Variants in CSMD1 observed in about 807,000 individuals in gnomAD.
CSMD1 encodes the protein CUB and sushi domain-containing protein 1.
Under a neutral mutation model 417.5 loss-of-function variants are expected in CSMD1, and 213 were observed. That is an observed-to-expected ratio of 0.51 (90% CI 0.46 to 0.57). The LOEUF (loss-of-function observed/expected upper bound fraction) is 0.57. Ranked by LOEUF, CSMD1 falls within the 20% of genes least tolerant of loss-of-function variation. The pLI is 0.00. For missense variants in CSMD1, 6,923 were observed against 4,529.7 expected, an observed-to-expected ratio of 1.53 and a Z score of -15.17; for synonymous variants, 2,862 against 1,736.8, an observed-to-expected ratio of 1.65 and a Z score of -16.11.
chr8:3,715,480 T>C (rs1448807487), intron 6 of CSMD1, among the ~76,000 whole-genome samples: 2 of 152,184 alleles, frequency 1.3e-5, no homozygotes, highest in African/African-American at 4.8e-5. Context: ...TTAACCCAAT[T>C]ATAAAAATGT....
chr8:4,663,998 G>C (rs546898815), intron 1 of CSMD1, among the ~76,000 whole-genome samples: 8 of 152,210 alleles, frequency 5.3e-5, no homozygotes, highest in African/African-American at 1.2e-4. Flanking sequence ...TTCTGGTTCG[G>C]GCAAGAGATC....
chr8:4,452,458 C>T (rs1410981438), intron 2 of CSMD1, among the ~76,000 whole-genome samples: 2 of 152,198 alleles, frequency 1.3e-5, no homozygotes, highest in Non-Finnish European at 2.9e-5. Flanking sequence ...TCCTGTCAGG[C>T]ATTACCCACT....
intron 7 of CSMD1, among the ~76,000 whole-genome samples, chr8:3,621,396 G>A (rs1204582684): frequency 6.6e-6 from 1 of 152,090 alleles, no homozygotes; most frequent in Non-Finnish European, 1.5e-5. Flanking sequence ...CAAAGTCAGA[G>A]AGCCAGAAAG....
chr8:4,091,158 A>G (rs963632690), intron 3 of CSMD1, among the ~76,000 whole-genome samples: 2 of 152,104 alleles, frequency 1.3e-5, no homozygotes, highest in African/African-American at 4.8e-5. Flanking sequence ...ACCTCAAGTG[A>G]TCCACATGGC....
chr8:4,018,628 T>C (rs1007995909), intron 4 of CSMD1, among the ~76,000 whole-genome samples: 4 of 152,234 alleles, frequency 2.6e-5, no homozygotes, highest in Admixed American at 6.5e-5. Context: ...TTCAAGCACA[T>C]GTTTCTCAAG....
chr8:3,903,258 A>T (rs903749677), intron 5 of CSMD1, among the ~76,000 whole-genome samples: 6 of 152,120 alleles, frequency 3.9e-5, no homozygotes, highest in African/African-American at 1.4e-4. Flanking sequence ...ATGTCGGGTC[A>T]GAACTGGTTT....
intron 1 of CSMD1, among the ~76,000 whole-genome samples, chr8:4,720,033 A>C (rs7820665): frequency 8.8e-4 from 134 of 152,210 alleles, no homozygotes; most frequent in African/African-American, 3.1e-3. Context: ...AGATCATTAA[A>C]TATTTTAAAG....
chr8:4,959,849 G>A (rs1809362113), intron 1 of CSMD1, among the ~76,000 whole-genome samples: 1 of 152,194 alleles, frequency 6.6e-6, no homozygotes, highest in Admixed American at 6.5e-5. Flanking sequence ...AACAGTCTCT[G>A]TGAAAACATC....
At chr8:4,894,960 C>T (rs1444515234) in intron 1 of CSMD1, among the ~76,000 whole-genome samples, 2 of 152,168 alleles carry the variant, frequency 1.3e-5, no homozygotes, top group Non-Finnish European at 2.9e-5. Context: ...GGCTGAGGTT[C>T]AGGGCTCAGC....
At chr8:3,621,979 G>C (rs923507214) in intron 7 of CSMD1, among the ~76,000 whole-genome samples, 1,888 of 123,532 alleles carry the variant, frequency 0.015, 43 homozygotes, top group African/African-American at 0.055. Context: ...CTCTCTCTTT[G>C]TGTGTGTGTG....
At chr8:3,815,814 C>G (rs1279018799) in intron 5 of CSMD1, among the ~76,000 whole-genome samples, 1 of 152,024 alleles carries the variant, frequency 6.6e-6, no homozygotes, top group African/African-American at 2.4e-5. Context: ...CCTAGAAAGT[C>G]TAAATTCTAG....
chr8:3,607,764 C>T (rs1265820966), intron 8 of CSMD1, among the ~76,000 whole-genome samples: 1 of 152,238 alleles, frequency 6.6e-6, no homozygotes, highest in Non-Finnish European at 1.5e-5. Flanking sequence ...TCCTCTGTAT[C>T]TCCATTAACT....
intron 3 of CSMD1, among the ~76,000 whole-genome samples, chr8:4,165,352 T>C (rs550762667): frequency 6.6e-6 from 1 of 152,238 alleles, no homozygotes; most frequent in Admixed American, 6.5e-5. Flanking sequence ...TCCCACAAAT[T>C]CCTTAGGACT....
chr8:3,788,815 T>C (rs1458445779), intron 5 of CSMD1, among the ~76,000 whole-genome samples: 2 of 152,182 alleles, frequency 1.3e-5, no homozygotes, highest in African/African-American at 4.8e-5. Context: ...GACGCATTTA[T>C]GTATTTCATG....
chr8:3,205,461 A>G (rs367598371), intron 31 of CSMD1, 43 bp downstream of exon 31: 56 of 990,358 alleles, frequency 5.7e-5, no homozygotes, highest in Non-Finnish European at 7.8e-5. Context: ...TTAACACTGA[A>G]AGGAAATATG....
Position 3,549,523 on chromosome 8 carries a change from T to C in CSMD1, c.1344+25422A>G, listed in dbSNP as rs1378173905. Among the ~76,000 whole-genome samples, 4 of 152,182 alleles carry C rather than the reference T, an allele frequency of 2.6e-5. No homozygotes were observed. The East Asian group carries it at 7.7e-4, about 29-fold the overall frequency. On this transcript the variant is annotated intron_variant, in intron 10 of 69. Transcript: ENST00000635120. ...AGCTTGGGTCGTCAGGGCTCTCCTT[T>C]CTTGGATGGATAAATTCATTCATGG...
At chr8:3,512,619 T>G (rs543503594) in intron 10 of CSMD1, among the ~76,000 whole-genome samples, 39 of 141,576 alleles carry the variant, frequency 2.8e-4, no homozygotes, top group Non-Finnish European at 5.6e-4. Context: ...TTTTTTTTTT[T>G]AAGACAGAGT....
At chr8:3,270,043 C>G (rs1417563629) in intron 26 of CSMD1, among the ~76,000 whole-genome samples, 2 of 99,930 alleles carry the variant, frequency 2.0e-5, no homozygotes, top group Non-Finnish European at 4.3e-5. Context: ...TCTCTAACCT[C>G]TTCTTTTTTT....
intron 5 of CSMD1, among the ~76,000 whole-genome samples, chr8:3,844,954 A>G (rs1300768939): frequency 6.6e-6 from 1 of 152,212 alleles, no homozygotes; most frequent in East Asian, 1.9e-4. Flanking sequence ...ATTTTAATGA[A>G]TTAAGATTTT....
Sources: allele counts gnomAD v4.1 joint callset (sites outside exome capture counted in the v4.1 genomes callset), GRCh38; gene constraint gnomAD v4.1.1; transcripts MANE v1.5; gene names NCBI Gene and HGNC (gene_info 2026-07-23, HGNC 2026-07-21).